The following C17orf67 variants were observed in gnomAD, a reference collection of about 807,000 sequenced individuals.
C17orf67 encodes the protein chromosome 17 open reading frame 67.
In C17orf67, 12 loss-of-function variants were observed where a neutral mutation model predicts 11.2. That is an observed-to-expected ratio of 1.07 (90% CI 0.68 to 1.73). C17orf67 has a LOEUF of 1.73. Ranked by LOEUF, C17orf67 falls within the 40% of genes most tolerant of loss-of-function variation. C17orf67 has a pLI of 0.00. For synonymous variants in C17orf67, 59 were observed against 46.9 expected (o/e 1.26, Z -1.05); for missense variants, 115 against 113.5 (o/e 1.01, Z -0.06).
At chr17:56,818,941 G>C (rs1718625458) in intron 4 of C17orf67, among the ~76,000 whole-genome samples, 1 of 152,152 alleles carries the variant, frequency 6.6e-6, no homozygotes, top group African/African-American at 2.4e-5. Flanking sequence ...CTGGCACCAG[G>C]CTCCCAAATG....
rs1763615864 is a variant in C17orf67 at position 56,827,684 on chromosome 17, TGAG to T, written c.-556-2366_-556-2364del. On this transcript the variant is annotated intron_variant, in intron 2 of 7. Coordinates refer to ENST00000397861, the MANE Select transcript of C17orf67 (RefSeq NM_001085430.4). Reference sequence around the variant, plus strand: ...CTGGACTGAACCCTGGGAAGCTGGATGAGGAGATGGTGGGGCTGCCGCCCCATG... The same window carrying T: ...CTGGACTGAACCCTGGGAAGCTGGATGAGATGGTGGGGCTGCCGCCCCATG... Among the ~76,000 whole-genome samples the T allele has an allele frequency of 2.0e-5, 3 of 152,350 alleles. No homozygotes were observed. The South Asian group carries it at 6.2e-4, about 32-fold the overall frequency.
intron 6 of C17orf67, among the ~76,000 whole-genome samples, chr17:56,806,767 T>C (rs1264933002): frequency 1.3e-5 from 2 of 152,232 alleles, no homozygotes; most frequent in Non-Finnish European, 2.9e-5. Flanking sequence ...GGATCTTGTT[T>C]ACACTTTAAG....
intron 6 of C17orf67, among the ~76,000 whole-genome samples, chr17:56,801,384 C>T (rs998993196): frequency 2.6e-5 from 4 of 152,142 alleles, no homozygotes; most frequent in Admixed American, 6.5e-5. Context: ...AACAAAGGGT[C>T]GGGTCCACTA....
At chr17:56,795,695 A>G (rs1411011823) in intron 6 of C17orf67, among the ~76,000 whole-genome samples, 1 of 152,236 alleles carries the variant, frequency 6.6e-6, no homozygotes. Context: ...GGAAAGGCAT[A>G]TAAAAATGTT....
intron 2 of C17orf67, among the ~76,000 whole-genome samples, chr17:56,827,517 A>G (rs1906070098): frequency 6.6e-6 from 1 of 152,246 alleles, no homozygotes; most frequent in Non-Finnish European, 1.5e-5. Context: ...GTTCTCAGAG[A>G]AGTAGCAGAG....
intron 1 of C17orf67, 70 bp downstream of exon 1, chr17:56,833,548 C>A (rs1906320601): frequency 6.7e-6 from 1 of 150,204 alleles, no homozygotes; most frequent in South Asian, 2.1e-4. Context: ...CGCCCTCGGC[C>A]TCCGCGCCCG....
At position 56,815,828 on chromosome 17, in the gene C17orf67, G is replaced by T; in HGVS notation, c.-18C>A. On this transcript the variant is annotated 5_prime_UTR_variant, in exon 5 of 8. Coordinates refer to ENST00000397861, the MANE Select transcript of C17orf67 (RefSeq NM_001085430.4). ...GTCTTCATCCTGCCTTGGTTCCTCTGCCTCTTGCTGAGTGAATCCTCCCAG... is the reference window on the plus strand; with the variant it reads ...GTCTTCATCCTGCCTTGGTTCCTCTTCCTCTTGCTGAGTGAATCCTCCCAG... 3 of 1,613,766 alleles carry T rather than the reference G, an allele frequency of 1.9e-6. No individual in the cohort carries two copies. Among genetic ancestry groups the T allele is most frequent in the East Asian group, 2.2e-5 (1 of 44,864 alleles).
At chr17:56,812,050 G>A (rs1015027227) in intron 6 of C17orf67, among the ~76,000 whole-genome samples, 3 of 152,164 alleles carry the variant, frequency 2.0e-5, no homozygotes, top group Non-Finnish European at 4.4e-5. Flanking sequence ...TTCCCCAGGT[G>A]GTTCCAGAAT....
chr17:56,798,539 G>A (rs1302849979), intron 6 of C17orf67, among the ~76,000 whole-genome samples: 1 of 152,006 alleles, frequency 6.6e-6, no homozygotes, highest in Non-Finnish European at 1.5e-5. Flanking sequence ...TTACACAAAT[G>A]CATGGCAGTC....
intron 6 of C17orf67, among the ~76,000 whole-genome samples, chr17:56,806,721 G>A (rs1335227068): frequency 6.6e-6 from 1 of 152,204 alleles, no homozygotes; most frequent in Non-Finnish European, 1.5e-5. Context: ...GAGTAAGACA[G>A]GAAGTCATTG....
At chr17:56,816,034 G>A in intron 4 of C17orf67, 24 bp from the exon 5 acceptor site, 1 of 795,038 alleles carries the variant, frequency 1.3e-6, no homozygotes, top group Non-Finnish European at 1.8e-6. Context: ...TTGTTCCTCT[G>A]TAATATGACT....
rs1380461631 is a variant in C17orf67 at position 56,807,910 on chromosome 17, TA to T, written c.156+6958del. Among the ~76,000 whole-genome samples, 43 of 58,392 alleles carry T rather than the reference TA, an allele frequency of 7.4e-4. 1 individual carries two copies. The highest frequency in any genetic ancestry group is 7.2e-3 in the Admixed American group (28 of 3,868). The allele number at this position is 58,392 out of a possible 152,430, so 38.3% of individuals were successfully genotyped here. ...GTCTCAAAAATAAATAAATAATAAA[TA>T]AATAAATAAATAAATAAATAAATAA... On this transcript the variant is annotated intron_variant, in intron 6 of 7. Coordinates refer to ENST00000397861, the MANE Select transcript of C17orf67 (RefSeq NM_001085430.4).
At chr17:56,806,986 T>G (rs1221016741) in intron 6 of C17orf67, among the ~76,000 whole-genome samples, 1 of 152,132 alleles carries the variant, frequency 6.6e-6, no homozygotes, top group Non-Finnish European at 1.5e-5. Flanking sequence ...TGTATTTTGT[T>G]TGGGGCTGTT....
chr17:56,804,370 AT>A (rs1905395847), intron 6 of C17orf67: 1 of 152,228 alleles, frequency 6.6e-6, no homozygotes, highest in Non-Finnish European at 1.5e-5. Flanking sequence ...ATCCATCAGC[AT>A]TTGGAAAAAT....
At chr17:56,828,321 C>G (rs1470817699) in intron 2 of C17orf67, among the ~76,000 whole-genome samples, 1 of 151,762 alleles carries the variant, frequency 6.6e-6, no homozygotes, top group Non-Finnish European at 1.5e-5. Context: ...AGGAGAATCG[C>G]TTGAACCCAG....
At chr17:56,814,500 A>C (rs1260541874) in intron 6 of C17orf67, among the ~76,000 whole-genome samples, 1 of 152,122 alleles carries the variant, frequency 6.6e-6, no homozygotes, top group Non-Finnish European at 1.5e-5. Flanking sequence ...TTGACCAAGG[A>C]TGCTGGTCCA....
intron 6 of C17orf67, among the ~76,000 whole-genome samples, chr17:56,812,188 C>T (rs953380225): frequency 8.5e-5 from 13 of 152,214 alleles, no homozygotes; most frequent in African/African-American, 2.9e-4. Context: ...ACACACACAG[C>T]GTGACAGAGA....
intron 5 of C17orf67, 49 bp from the exon 6 acceptor site, chr17:56,815,018 A>C: frequency 2.0e-6 from 3 of 1,465,074 alleles, no homozygotes; most frequent in Non-Finnish European, 2.9e-6. Context: ...TCAGGAGTTC[A>C]TGAGCCATCT....
chr17:56,800,058 A>ATTTT (rs772880968), intron 6 of C17orf67, among the ~76,000 whole-genome samples: 163 of 96,278 alleles, frequency 1.7e-3, no homozygotes, highest in Non-Finnish European at 1.9e-3. Context: ...TTGCAAACTA[A>ATTTT]TTTTTTTTTT....
Sources: gnomAD v4.1 joint callset for allele counts (sites outside exome capture counted in the v4.1 genomes callset) on GRCh38, gnomAD v4.1.1 for gene constraint, MANE v1.5 for transcripts, NCBI Gene and HGNC (gene_info 2026-07-23, HGNC 2026-07-21) for gene names.